Variants in EGFR observed in about 807,000 individuals in gnomAD.
The protein encoded by EGFR is avian erythroblastic leukemia viral (v-erb-b) oncogene homolog.
Under a neutral mutation model 143.0 loss-of-function variants are expected in EGFR, and 58 were observed. That is an observed-to-expected ratio of 0.41 (90% confidence interval 0.33 to 0.50). The LOEUF is 0.50. Ranked by LOEUF, EGFR falls within the 20% of genes least tolerant of loss-of-function variation. The pLI is 0.39. For synonymous variants in EGFR, 613 were observed against 594.4 expected (o/e 1.03, Z -0.45); for missense variants, 1,307 against 1,579.0 (o/e 0.83, Z 2.92).
intron 10 of EGFR, chr7:55,157,055 T>TCTCC: frequency 8.5e-7 from 1 of 1,171,804 alleles, no homozygotes. Context: ...AAACACGCTT[T>TCTCC]CTCCCTCCCG....
intron 1 of EGFR, among the ~76,000 whole-genome samples, chr7:55,055,121 G>A (rs1013823317): frequency 4.6e-5 from 7 of 152,074 alleles, no homozygotes; most frequent in Non-Finnish European, 1.0e-4. Context: ...GACATGGGTC[G>A]GCCCGTACCA....
chr7:55,063,641 C>T (rs1486059890), intron 1 of EGFR, among the ~76,000 whole-genome samples: 2 of 152,204 alleles, frequency 1.3e-5, no homozygotes, highest in East Asian at 3.8e-4. Flanking sequence ...AGACAACACA[C>T]AGCATCAGCC....
At chr7:55,154,466 C>A (rs1447618092) in intron 7 of EGFR, among the ~76,000 whole-genome samples, 1 of 152,216 alleles carries the variant, frequency 6.6e-6, no homozygotes, top group South Asian at 2.1e-4. Context: ...CAGCCACAGC[C>A]GTGGGTATTC....
chr7:55,063,634 C>T (rs1243656599), intron 1 of EGFR, among the ~76,000 whole-genome samples: 1 of 152,184 alleles, frequency 6.6e-6, no homozygotes, highest in Admixed American at 6.5e-5. Flanking sequence ...ATCCAACAGA[C>T]AACACACAGC....
At chr7:55,109,320 T>C (rs1168081891) in intron 1 of EGFR, among the ~76,000 whole-genome samples, 2 of 152,228 alleles carry the variant, frequency 1.3e-5, no homozygotes, top group Non-Finnish European at 2.9e-5. Context: ...ATAGTTAAAC[T>C]GAGATGCTTT....
intron 1 of EGFR, among the ~76,000 whole-genome samples, chr7:55,021,830 T>C (rs1327378117): frequency 6.6e-6 from 1 of 152,140 alleles, no homozygotes; most frequent in African/African-American, 2.4e-5. Context: ...TCTCCTCCTA[T>C]GGGGGAAACT....
chr7:55,089,703 GTT>G (rs889920227), intron 1 of EGFR, among the ~76,000 whole-genome samples: 4 of 152,182 alleles, frequency 2.6e-5, no homozygotes, highest in African/African-American at 9.7e-5. Context: ...TCAAAAATGT[GTT>G]TTCCATTGTG....
chr7:55,089,782 T>G (rs73135226), intron 1 of EGFR, among the ~76,000 whole-genome samples: 2 of 151,894 alleles, frequency 1.3e-5, no homozygotes, highest in Non-Finnish European at 2.9e-5. Context: ...CCGGAGCCCA[T>G]GTTTCTTTCC....
intron 1 of EGFR, among the ~76,000 whole-genome samples, chr7:55,053,299 C>G (rs1788598798): frequency 6.6e-6 from 1 of 152,174 alleles, no homozygotes; most frequent in Non-Finnish European, 1.5e-5. Context: ...TGTCCTCGAC[C>G]TCTGGAAAGG....
intron 1 of EGFR, among the ~76,000 whole-genome samples, chr7:55,137,277 C>G (rs1794197093): frequency 1.3e-5 from 2 of 152,176 alleles, no homozygotes. Context: ...CAGCTCATAC[C>G]TCAGCAGCCT....
chr7:55,144,395 G>A lies in EGFR; in HGVS notation c.424+907G>A, dbSNP rs560069760. 7.9e-5 allele frequency among the ~76,000 whole-genome samples: 12 copies of A among 152,356 alleles called. No homozygotes were observed. In the East Asian group the frequency reaches 2.3e-3, roughly 29 times the overall value. On this transcript the variant is annotated intron_variant, in intron 3 of 27. Transcript: ENST00000275493. The stretch of plus-strand genomic sequence containing the variant: ...CCCTTGAGGGCCCCAGCTAGTGAAT[G>A]GAGAGGCCAGCTATGGCCACCACTC...
At chr7:55,055,723 C>CCACACA (rs34074299) in intron 1 of EGFR, among the ~76,000 whole-genome samples, 31 of 148,338 alleles carry the variant, frequency 2.1e-4, no homozygotes, top group African/African-American at 6.7e-4. Context: ...CACACACACA[C>CCACACA]CACACACACA....
At chr7:55,094,010 A>G (rs1791290593) in intron 1 of EGFR, among the ~76,000 whole-genome samples, 2 of 152,204 alleles carry the variant, frequency 1.3e-5, no homozygotes, top group Non-Finnish European at 2.9e-5. Context: ...AGCCACTGAG[A>G]ACTCACAGTA....
chr7:55,197,661 A>T (rs2740763), intron 22 of EGFR, among the ~76,000 whole-genome samples: 110,546 of 152,144 alleles, frequency 0.73, 40,419 homozygotes, highest in African/African-American at 0.81. Context: ...TAGATGGCTA[A>T]TATGTTGAGG....
chr7:55,107,244 T>C (rs998076864), intron 1 of EGFR, among the ~76,000 whole-genome samples: 1 of 152,218 alleles, frequency 6.6e-6, no homozygotes, highest in African/African-American at 2.4e-5. Flanking sequence ...AGTTTTTTTC[T>C]TCCTGATAGT....
At chr7:55,154,617 C>T (rs1785321145) in intron 7 of EGFR, among the ~76,000 whole-genome samples, 1 of 152,226 alleles carries the variant, frequency 6.6e-6, no homozygotes, top group Admixed American at 6.5e-5. Flanking sequence ...AGTTATGCCT[C>T]TTAGGAGTAT....
At chr7:55,168,550 T>G in intron 15 of EGFR, 1 of 1,609,394 alleles carries the variant, frequency 6.2e-7, no homozygotes, top group Non-Finnish European at 8.5e-7. Context: ...CTGTCTGACT[T>G]TAGTCTCCCA....
chr7:55,087,413 G>A (rs1436743924), intron 1 of EGFR, among the ~76,000 whole-genome samples: 1 of 152,140 alleles, frequency 6.6e-6, no homozygotes, highest in African/African-American at 2.4e-5. Context: ...CCTGCGTAGG[G>A]CCTACTGAGT....
intron 23 of EGFR, among the ~76,000 whole-genome samples, chr7:55,199,862 G>A (rs1430679756): frequency 6.6e-6 from 1 of 152,178 alleles, no homozygotes; most frequent in Non-Finnish European, 1.5e-5. Flanking sequence ...AGACGCCGGG[G>A]GTAGGGGCCC....
Sources: gnomAD v4.1 joint callset for allele counts (sites outside exome capture counted in the v4.1 genomes callset) on GRCh38, gnomAD v4.1.1 for gene constraint, MANE v1.5 for transcripts, NCBI Gene and HGNC (gene_info 2026-07-23, HGNC 2026-07-21) for gene names.